PDE12: variants seen among roughly 807,000 people sequenced by gnomAD.
The protein encoded by PDE12 is phosphodiesterase 12, also known as 2',5'-phosphodiesterase 12.
PDE12 carries 26 observed loss-of-function variants against 45.4 expected under a neutral mutation model. The observed-to-expected ratio is 0.57, with a 90% CI of 0.42 to 0.79. The LOEUF (loss-of-function observed/expected upper bound fraction) is 0.79. Among genes scored for constraint, PDE12 ranks in the 30% least tolerant of loss-of-function variants. The pLI is 0.00. For synonymous variants in PDE12, 283 were observed against 323.9 expected (o/e 0.87, Z 1.36); for missense variants, 668 against 790.0 (o/e 0.85, Z 1.85).
chr3:57,645,788 GAC>G, the PDE12 span: 1 of 1,532,550 alleles, frequency 6.5e-7, no homozygotes, highest in South Asian at 1.1e-5. Flanking sequence ...TAAAATAAAG[GAC>G]ACAGAAATTA....
At chr3:57,638,475 T>C in the PDE12 span, among the ~76,000 whole-genome samples, 24 of 150,696 alleles carry the variant, frequency 1.6e-4, no homozygotes, top group Non-Finnish European at 3.0e-4. Context: ...CTGGCCAACA[T>C]GGTGAATCCC....
chr3:57,616,606 G>A, the PDE12 span, among the ~76,000 whole-genome samples: 20 of 152,258 alleles, frequency 1.3e-4, no homozygotes, highest in East Asian at 1.5e-3. Context: ...AAAATTCTAC[G>A]TCCAAATAGC....
the PDE12 span, among the ~76,000 whole-genome samples, chr3:57,601,485 A>AC: frequency 5.0e-3 from 766 of 152,236 alleles, 4 homozygotes; most frequent in African/African-American, 0.017. Context: ...CCTTGGGTTT[A>AC]ATAATGTACA....
chr3:57,592,601 A>T, the PDE12 span, among the ~76,000 whole-genome samples: 2 of 152,196 alleles, frequency 1.3e-5, no homozygotes, highest in African/African-American at 4.8e-5. Flanking sequence ...GATGAGAAAC[A>T]TCTACATTTT....
chr3:57,557,645 A>G lies in PDE12; in HGVS notation c.1266A>G (p.Pro422=), dbSNP rs1559776999. ...TGCTGGAGAAACTAGTTTTGTACCC[A>G]TCAGCGCAGGAGAAGGTGCTCCAGA... ...KELLEKLVLY[P]SAQEKVLQRS... is the part of the protein sequence containing the mutation. Residue 422 remains proline, a synonymous_variant, in exon 1 of 3, where the codon CCA becomes CCG. Transcript: ENST00000311180. 6.2e-7 allele frequency: 1 copy of G among 1,614,122 alleles called. No homozygotes were observed. The highest frequency in any genetic ancestry group is 8.5e-7 in the Non-Finnish European group (1 of 1,180,030).
At chr3:57,629,513 T>A in the PDE12 span, among the ~76,000 whole-genome samples, 1 of 141,822 alleles carries the variant, frequency 7.1e-6, no homozygotes, top group South Asian at 2.4e-4. Flanking sequence ...TCCGCTTTTT[T>A]TTTTTTTTTT....
downstream of PDE12, among the ~76,000 whole-genome samples, chr3:57,570,217 G>GTCTT (rs2069824032): frequency 1.5e-5 from 1 of 65,322 alleles, no homozygotes; most frequent in East Asian, 3.2e-4. Flanking sequence ...GGTTAATCCA[G>GTCTT]TGTTTTTTTT....
the PDE12 span, among the ~76,000 whole-genome samples, chr3:57,622,863 G>C: frequency 1.3e-5 from 2 of 152,174 alleles, no homozygotes; most frequent in Admixed American, 6.6e-5. Context: ...AGTATATACT[G>C]TATGATTCCA....
the PDE12 span, among the ~76,000 whole-genome samples, chr3:57,607,885 A>T: frequency 2.6e-5 from 4 of 152,176 alleles, no homozygotes; most frequent in African/African-American, 9.6e-5. Context: ...AAATACACAG[A>T]ACGCCACAAA....
Position 57,559,704 on chromosome 3 carries a change from C to T in PDE12, c.1530C>T (p.Ile510=). 1.2e-6 allele frequency: 2 copies of T among 1,614,142 alleles called. No individual in the cohort carries two copies. Among genetic ancestry groups the T allele is most frequent in the Admixed American group, 1.7e-5 (1 of 60,028 alleles). ...CAACAGGAATGTATCATTTTGTCAT[C>T]AATGGCAGCATTCCAGAGGATCATG... is the stretch of plus-strand genomic sequence containing the variant. ...TPSTGMYHFV[I]NGSIPEDHED... The change falls in exon 3 of 3, where the codon ATC becomes ATT. Residue 510 remains isoleucine (I), a synonymous_variant. Transcript: ENST00000311180.
At chr3:57,605,685 C>CAA in the PDE12 span, among the ~76,000 whole-genome samples, 1 of 152,034 alleles carries the variant, frequency 6.6e-6, no homozygotes, top group Non-Finnish European at 1.5e-5. Flanking sequence ...GCATCTAATA[C>CAA]AAAATTATTG....
chr3:57,629,938 G>A, the PDE12 span, among the ~76,000 whole-genome samples: 6 of 152,142 alleles, frequency 3.9e-5, no homozygotes, highest in Non-Finnish European at 7.4e-5. Flanking sequence ...TAATGTGCTG[G>A]TAAATATTTA....
chr3:57,645,169 TA>T, the PDE12 span, among the ~76,000 whole-genome samples: 1 of 152,000 alleles, frequency 6.6e-6, no homozygotes, highest in Non-Finnish European at 1.5e-5. Flanking sequence ...CATTAATAAA[TA>T]AAATCACGTG....
At chr3:57,609,777 A>G in the PDE12 span, among the ~76,000 whole-genome samples, 3 of 152,130 alleles carry the variant, frequency 2.0e-5, no homozygotes, top group African/African-American at 4.8e-5. Context: ...AGGACCAGAG[A>G]GATTCACAGC....
the PDE12 span, chr3:57,628,796 GT>G: frequency 1.2e-6 from 2 of 1,606,400 alleles, no homozygotes; most frequent in Non-Finnish European, 1.7e-6. Context: ...ATCTTTGGCT[GT>G]TTTGGCTACA....
At chr3:57,586,054 A>G in the PDE12 span, among the ~76,000 whole-genome samples, 1 of 152,232 alleles carries the variant, frequency 6.6e-6, no homozygotes, top group Non-Finnish European at 1.5e-5. Flanking sequence ...ACAAGAGGCT[A>G]TACCTCCTTG....
chr3:57,627,120 A>G, the PDE12 span: 1 of 152,152 alleles, frequency 6.6e-6, no homozygotes, highest in Non-Finnish European at 1.5e-5. Context: ...TAAACATTTA[A>G]TAATATTTAA....
the PDE12 span, chr3:57,571,909 T>A: frequency 3.9e-6 from 1 of 253,486 alleles, no homozygotes; most frequent in East Asian, 7.9e-5. Flanking sequence ...TGTCTGGGGC[T>A]CAAAAAACAC....
In PDE12 at chr3:57,557,368, A is replaced by G; in HGVS notation, c.989A>G (p.Tyr330Cys). 1 of 1,613,912 alleles carries G rather than the reference A, an allele frequency of 6.2e-7. No individual in the cohort carries two copies. Among genetic ancestry groups the G allele is most frequent in the Non-Finnish European group, 8.5e-7 (1 of 1,179,992 alleles). The change falls in exon 1 of 3, where the codon TAC becomes TGC. Residue 330 changes from tyrosine to cysteine, a missense_variant. This residue lies in a region of PDE12 where 580 missense variants were observed against 662.9 expected (regional missense o/e 0.87). Coordinates refer to ENST00000311180, the MANE Select transcript of PDE12 (RefSeq NM_177966.7). ...GCCCCCTACGCCCTGGAGCTCGACT[A>G]CCGCCAGAACCTTATCCAGAAGGAA... is the stretch of plus-strand genomic sequence containing the variant. ...YCAPYALELD[Y>C]RQNLIQKELT...
Sources: gnomAD v4.1 joint callset for allele counts (sites outside exome capture counted in the v4.1 genomes callset) on GRCh38, gnomAD v4.1.1 for gene constraint, gnomAD v4.1.1 regional missense constraint, MANE v1.5 for transcripts, NCBI Gene and HGNC (gene_info 2026-07-23, HGNC 2026-07-21) for gene names.